The following KAT6A variants were observed in gnomAD, a reference collection of about 807,000 sequenced individuals.
The protein encoded by KAT6A is histone acetyltransferase KAT6A.
In KAT6A, 9 loss-of-function variants were observed where a neutral mutation model predicts 198.4. That is an observed-to-expected ratio of 0.05 (90% CI 0.03 to 0.08). The LOEUF (loss-of-function observed/expected upper bound fraction) is 0.08. Among genes scored for constraint, KAT6A ranks in the 10% least tolerant of loss-of-function variants. KAT6A has a pLI of 1.00. For synonymous variants in KAT6A, 890 were observed against 883.0 expected (o/e 1.01, Z -0.14); for missense variants, 2,077 against 2,509.9 (o/e 0.83, Z 3.69).
intron 2 of KAT6A, among the ~76,000 whole-genome samples, chr8:41,991,019 A>AT (rs1824917000): frequency 7.4e-6 from 1 of 135,414 alleles, no homozygotes; most frequent in Non-Finnish European, 1.6e-5. Flanking sequence ...AAAAAAAAAA[A>AT]GGTGGAACAA....
At chr8:41,956,074 CT>C (rs1404674158) in intron 8 of KAT6A, among the ~76,000 whole-genome samples, 4 of 152,186 alleles carry the variant, frequency 2.6e-5, no homozygotes, top group Admixed American at 2.6e-4. Context: ...CTCTATACCC[CT>C]CATCCCTGCA....
intron 2 of KAT6A, among the ~76,000 whole-genome samples, chr8:42,006,541 T>G (rs1410249351): frequency 6.6e-6 from 1 of 152,108 alleles, no homozygotes; most frequent in Non-Finnish European, 1.5e-5. Flanking sequence ...GCATCCCAAA[T>G]CCAAAAATTC....
At chr8:42,040,044 G>A (rs1468869534) in intron 2 of KAT6A, among the ~76,000 whole-genome samples, 5 of 151,824 alleles carry the variant, frequency 3.3e-5, no homozygotes. Flanking sequence ...ACCGCGCCCT[G>A]CCGAAAATTT....
chr8:41,983,208 T>C (rs1824446388), intron 3 of KAT6A, among the ~76,000 whole-genome samples: 1 of 152,224 alleles, frequency 6.6e-6, no homozygotes, highest in Admixed American at 6.5e-5. Context: ...AAGTTGGTCG[T>C]GCTTATTTTT....
intron 8 of KAT6A, among the ~76,000 whole-genome samples, chr8:41,965,552 C>CT (rs1281498747): frequency 1.3e-5 from 2 of 152,174 alleles, no homozygotes; most frequent in African/African-American, 4.8e-5. Flanking sequence ...CTTCAAACCA[C>CT]TTTTTTTATT....
chr8:41,950,555 T>C (rs983974840), intron 9 of KAT6A, among the ~76,000 whole-genome samples: 4 of 152,214 alleles, frequency 2.6e-5, no homozygotes, highest in Non-Finnish European at 5.9e-5. Flanking sequence ...AGTAACACTA[T>C]CTGAGTACAG....
intron 2 of KAT6A, among the ~76,000 whole-genome samples, chr8:42,033,467 G>A (rs1827226872): frequency 3.3e-5 from 5 of 152,158 alleles, no homozygotes; most frequent in Admixed American, 3.3e-4. Context: ...TTAGACATGT[G>A]ATTTTTAAAA....
chr8:41,940,180 T>C (rs1822038931), intron 15 of KAT6A, among the ~76,000 whole-genome samples: 1 of 152,260 alleles, frequency 6.6e-6, no homozygotes. Context: ...ATCCACTCCA[T>C]AGCCTGGGAT....
At chr8:41,961,771 A>G (rs1823215061) in intron 8 of KAT6A, among the ~76,000 whole-genome samples, 1 of 151,534 alleles carries the variant, frequency 6.6e-6, no homozygotes, top group Non-Finnish European at 1.5e-5. Context: ...AAAAAAAAAA[A>G]AAGTATCTTC....
At chr8:41,997,957 G>A (rs1325748452) in intron 2 of KAT6A, among the ~76,000 whole-genome samples, 1 of 151,992 alleles carries the variant, frequency 6.6e-6, no homozygotes, top group Non-Finnish European at 1.5e-5. Context: ...GTGGAAAATT[G>A]GACTATTTTC....
At chr8:42,037,691 C>CTT (rs35961436) in intron 2 of KAT6A, among the ~76,000 whole-genome samples, 3,771 of 140,766 alleles carry the variant, frequency 0.027, 134 homozygotes, top group African/African-American at 0.081. Flanking sequence ...ACATTGAAAG[C>CTT]TTTTTTTTTT....
chr8:41,992,225 T>C (rs1824983871), intron 2 of KAT6A, among the ~76,000 whole-genome samples: 1 of 151,790 alleles, frequency 6.6e-6, no homozygotes. Context: ...AAAAGGTATT[T>C]ACTAGATTCT....
At chr8:41,992,209 GA>G (rs967282120) in intron 2 of KAT6A, among the ~76,000 whole-genome samples, 17 of 148,534 alleles carry the variant, frequency 1.1e-4, no homozygotes, top group East Asian at 3.9e-4. Context: ...AAAAAAAAAA[GA>G]AAAAAAAAGG....
chr8:41,945,726 TTAAAAATATTTCG>T lies in KAT6A; in HGVS notation c.1996+852_1996+864del, dbSNP rs1349455536. Among the ~76,000 whole-genome samples the T allele has an allele frequency of 6.4e-4, 97 of 152,084 alleles. 1 individual carries two copies. The highest frequency in any genetic ancestry group is 6.4e-3 in the Admixed American group (97 of 15,270). ...CAAAATTTTATTCAATATTAGCTGT[TTAAAAATATTTCG>T]TGTCCAAGGCCACGCATGGTGGCTC... On this transcript the variant is annotated intron_variant, in intron 12 of 16. Coordinates refer to ENST00000265713, the MANE Select transcript of KAT6A (RefSeq NM_006766.5).
chr8:42,011,006 T>C (rs1183298457), intron 2 of KAT6A, among the ~76,000 whole-genome samples: 1 of 152,158 alleles, frequency 6.6e-6, no homozygotes, highest in Non-Finnish European at 1.5e-5. Flanking sequence ...TAAGAGGAGA[T>C]AATCCAGGCA....
intron 2 of KAT6A, among the ~76,000 whole-genome samples, chr8:42,037,941 A>G (rs1299632228): frequency 3.3e-5 from 5 of 152,184 alleles, no homozygotes; most frequent in Non-Finnish European, 2.9e-5. Context: ...TCTTCCCCAC[A>G]CGGTCTGTTT....
chr8:41,930,510 G>C lies in KAT6A; in HGVS notation c.*1695C>G. 1 of 202,794 alleles carries C rather than the reference G, an allele frequency of 4.9e-6. No homozygotes were observed. 12.6% of individuals were successfully genotyped at this position (202,794 alleles called of 1,614,324 possible). The stretch of plus-strand genomic sequence containing the variant: ...ACCTGTGCATTTGAAAAAAGTTAAT[G>C]CCTAATTAGTACTTTAAAAATTTAT... On this transcript the variant is annotated 3_prime_UTR_variant, in exon 17 of 17. Transcript: ENST00000265713.
At position 41,974,935 on chromosome 8, in the gene KAT6A, T is replaced by C. The variant is rs569636616; in HGVS notation, c.1364-113A>G. On this transcript the variant is annotated intron_variant, in intron 7 of 16. Coordinates refer to ENST00000265713, the MANE Select transcript of KAT6A (RefSeq NM_006766.5). Reference sequence around the variant, plus strand: ...AGAACTTAATATATAACGAAGAATATAGCATTAAACTGACTCTTAGAAGAA... The same window carrying C: ...AGAACTTAATATATAACGAAGAATACAGCATTAAACTGACTCTTAGAAGAA... 394 of 598,632 alleles carry C rather than the reference T, an allele frequency of 6.6e-4. 1 individual carries two copies. The highest frequency in any genetic ancestry group is 1.0e-3 in the Non-Finnish European group (348 of 335,906). The allele number at this position is 598,632 out of a possible 1,614,324, so 37.1% of individuals were successfully genotyped here.
chr8:42,007,961 C>CAAAAAAA (rs988491987), intron 2 of KAT6A, among the ~76,000 whole-genome samples: 2 of 42,892 alleles, frequency 4.7e-5, no homozygotes, highest in African/African-American at 1.8e-4. Flanking sequence ...GACTCCGTCT[C>CAAAAAAA]AAAAAAAAAA....
Sources: allele counts gnomAD v4.1 joint callset (sites outside exome capture counted in the v4.1 genomes callset), GRCh38; gene constraint gnomAD v4.1.1; transcripts MANE v1.5; gene names NCBI Gene and HGNC (gene_info 2026-07-23, HGNC 2026-07-21).